Variants in MYT1 observed in about 807,000 individuals in gnomAD.
MYT1 encodes myelin transcription factor 1, also known as myelin transcription factor I.
MYT1 carries 23 observed loss-of-function variants against 123.0 expected under a neutral mutation model. The ratio of observed to expected loss-of-function variants is 0.19; its 90% CI spans 0.13 to 0.26. The LOEUF is 0.26. MYT1 is among the 10% of genes least tolerant of loss of function. The pLI is 1.00. For synonymous variants in MYT1, 518 were observed against 575.3 expected, an observed-to-expected ratio of 0.90 and a Z score of 1.43; for missense variants, 1,125 against 1,472.5, an observed-to-expected ratio of 0.76 and a Z score of 3.86.
intron 1 of MYT1, among the ~76,000 whole-genome samples, chr20:64,187,496 C>T (rs915296318): frequency 2.6e-5 from 4 of 152,202 alleles, no homozygotes; most frequent in Non-Finnish European, 5.9e-5. Context: ...GTGGCCCCGG[C>T]ATCCACGTTT....
In MYT1 at chr20:64,213,071, G is replaced by T. The variant is rs1212940732; in HGVS notation, c.1518-463G>T. On this transcript the variant is annotated intron_variant, in intron 9 of 22. Coordinates refer to ENST00000328439, the MANE Select transcript of MYT1 (RefSeq NM_004535.3). This position sits in a 1 kb window ranked among gnomAD's most constrained non-coding sequence, Gnocchi z 5.6. Reference sequence around the variant, plus strand: ...CTTTCCTGGGCCTGTGTCATCCAGGGTCAGTGCCCAGGCTGTGGTCCAAGT... The same window carrying T: ...CTTTCCTGGGCCTGTGTCATCCAGGTTCAGTGCCCAGGCTGTGGTCCAAGT... Among the ~76,000 whole-genome samples, 1 of 152,084 alleles carries T rather than the reference G, an allele frequency of 6.6e-6. No homozygotes were observed. The highest frequency in any genetic ancestry group is 2.4e-5 in the African/African-American group (1 of 41,404).
At chr20:64,228,778 T>C (rs977136342) in intron 18 of MYT1, among the ~76,000 whole-genome samples, 3 of 152,198 alleles carry the variant, frequency 2.0e-5, no homozygotes, top group African/African-American at 4.8e-5. Context: ...CCGAGGTACT[T>C]TCAGAGCTGA....
chr20:64,209,515 G>A (rs889751739), intron 7 of MYT1, among the ~76,000 whole-genome samples: 2 of 152,204 alleles, frequency 1.3e-5, no homozygotes, highest in African/African-American at 2.4e-5. Flanking sequence ...CCAGGTGGAC[G>A]GGGGCAGTGG....
In MYT1 at chr20:64,230,284, G is replaced by A. The variant is rs546070432; in HGVS notation, c.2676-1880G>A. On this transcript the variant is annotated intron_variant, in intron 18 of 22. Coordinates refer to ENST00000328439, the MANE Select transcript of MYT1 (RefSeq NM_004535.3). ...TCCCAGCACTTTAGGAGGCTGAGGC[G>A]GGTGGATCACCTGAGGTCAGGAGTT... Among the ~76,000 whole-genome samples, 460 of 152,158 alleles carry A rather than the reference G, an allele frequency of 3.0e-3. 3 individuals carry two copies. The highest frequency in any genetic ancestry group is 7.1e-3 in the South Asian group (34 of 4,810).
intron 16 of MYT1, among the ~76,000 whole-genome samples, chr20:64,223,681 C>T (rs1453570162): frequency 6.6e-6 from 1 of 152,196 alleles, no homozygotes; most frequent in East Asian, 1.9e-4. Context: ...GCTGTCTGGG[C>T]CTGCTTTCTT....
Position 64,217,179 on chromosome 20 carries a change from A to G in MYT1, c.1744A>G (p.Lys582Glu), listed in dbSNP as rs771589850. Residue 582 changes from lysine to glutamate, a missense_variant, in exon 11 of 23, where the codon AAG (lysine) becomes GAG (glutamate). Physicochemically the swap from Lys to Glu is moderately conservative, Grantham distance 56. Coordinates refer to ENST00000328439, the MANE Select transcript of MYT1 (RefSeq NM_004535.3). Reference sequence around the variant, plus strand: ...GGCCAAGGAGCTGGAGAAGTTCTCCAAGGTCACCTTTGACTACGCAAGTTT... The same window carrying G: ...GGCCAAGGAGCTGGAGAAGTTCTCCGAGGTCACCTTTGACTACGCAAGTTT... ...NLAKELEKFSKVTFDYASFDA... is the reference protein window; with the variant it reads ...NLAKELEKFSEVTFDYASFDA... The G allele has an allele frequency of 1.2e-6, 2 of 1,614,272 alleles. No individual in the cohort carries two copies. The highest frequency in any genetic ancestry group is 1.1e-5 in the South Asian group (1 of 91,088).
Position 64,205,662 on chromosome 20 carries a change from T to C in MYT1, c.259T>C (p.Tyr87His). The C allele has an allele frequency of 6.2e-7, 1 of 1,614,138 alleles. No individual in the cohort carries two copies. Among genetic ancestry groups the C allele is most frequent in the Non-Finnish European group, 8.5e-7 (1 of 1,180,014 alleles). Residue 87 changes from tyrosine (Y) to histidine (H), a missense_variant, in exon 6 of 23, where the codon TAT becomes CAT. Transcript: ENST00000328439. ...HPLKLALDEG[Y>H]GVDSDGSEDT... is the part of the protein sequence containing the mutation. ...CCTGAAGCTGGCTCTGGACGAGGGCTATGGTGTGGACAGCGACGGCAGTGA... is the reference window on the plus strand; with the variant it reads ...CCTGAAGCTGGCTCTGGACGAGGGCCATGGTGTGGACAGCGACGGCAGTGA...
chr20:64,190,713 A>C lies in MYT1; in HGVS notation c.-1+553A>C, dbSNP rs2145703337. On this transcript the variant is annotated intron_variant, in intron 2 of 22. Transcript: ENST00000328439. This position sits in a 1 kb window ranked among gnomAD's most constrained non-coding sequence, Gnocchi z 4.1. ...ACTAGGAATGGTGGCTTTTATCTCT[A>C]ATCCCAGCACTTTGGGAGGCTGAGG... 6.9e-6 allele frequency among the ~76,000 whole-genome samples: 1 copy of C among 145,590 alleles called. No homozygotes were observed. Among genetic ancestry groups the C allele is most frequent in the African/African-American group, 2.6e-5 (1 of 38,568 alleles).
intron 21 of MYT1, 84 bp downstream of exon 21, chr20:64,237,474 C>A: frequency 2.8e-6 from 3 of 1,085,696 alleles, no homozygotes; most frequent in South Asian, 2.8e-5. Flanking sequence ...CATCCGTCGG[C>A]ACTCATCAAG....
At chr20:64,204,780 G>A (rs956981896) in intron 4 of MYT1, among the ~76,000 whole-genome samples, 5 of 152,334 alleles carry the variant, frequency 3.3e-5, no homozygotes, top group Non-Finnish European at 7.3e-5. Context: ...CCTGCCGTGG[G>A]GAGCGGTCTG....
In MYT1 at chr20:64,207,612, C is replaced by T. The variant is rs1983521156; in HGVS notation, c.416C>T (p.Ser139Phe). The T allele has an allele frequency of 2.5e-6, 4 of 1,613,330 alleles. No homozygotes were observed. The highest frequency in any genetic ancestry group is 3.4e-6 in the Non-Finnish European group (4 of 1,179,764). The change falls in exon 7 of 23, where the codon TCC (serine) becomes TTC (phenylalanine). Residue 139 changes from serine (S) to phenylalanine (F), a missense_variant. Ser to Phe is a radical substitution (Grantham distance 155). Transcript: ENST00000328439. Reference protein sequence around the residue: ...ETAEGRSPVKSHFGSNPIGSA... With the variant: ...ETAEGRSPVKFHFGSNPIGSA... ...TGTGCAGGAAGGAGCCCCGTCAAGT[C>T]CCATTTTGGATCCAACCCCATCGGC...
rs1982900304 is a variant in MYT1 at position 64,189,292 on chromosome 20, G to C, written c.-98-771G>C. ...TTACTTAATGACCTTCCTTTGAAAT[G>C]CTGCAGTTATGTAGAAAGCAGGTTG... On this transcript the variant is annotated intron_variant, in intron 1 of 22. Transcript: ENST00000328439. The surrounding 1 kb of genome is among the most constrained non-coding windows in gnomAD (Gnocchi z 5.5). Among the ~76,000 whole-genome samples, 1 of 152,254 alleles carries C rather than the reference G, an allele frequency of 6.6e-6. No individual in the cohort carries two copies. Among genetic ancestry groups the C allele is most frequent in the African/African-American group, 2.4e-5 (1 of 41,472 alleles).
chr20:64,180,087 T>C (rs1443818297), intron 1 of MYT1, among the ~76,000 whole-genome samples: 3 of 149,754 alleles, frequency 2.0e-5, no homozygotes, highest in East Asian at 4.0e-4. Context: ...ACACACATGC[T>C]ACACACAGGT....
rs1005017267 is a variant in MYT1, at chr20:64,193,853, A to G, written c.-1+3693A>G. Among the ~76,000 whole-genome samples the G allele has an allele frequency of 6.6e-6, 1 of 152,138 alleles. No individual in the cohort carries two copies. Among genetic ancestry groups the G allele is most frequent in the African/African-American group, 2.4e-5 (1 of 41,414 alleles). On this transcript the variant is annotated intron_variant, in intron 2 of 22. Transcript: ENST00000328439. The surrounding 1 kb of genome is among the most constrained non-coding windows in gnomAD (Gnocchi z 4.0). ...ATTTTTAAAGAATAGTTGTAAGTCC[A>G]TTCTAATTCTCCAGATTTGCTGGCT...
intron 19 of MYT1, among the ~76,000 whole-genome samples, chr20:64,235,689 G>T (rs868805488): frequency 1.1e-5 from 1 of 88,900 alleles, no homozygotes; most frequent in Non-Finnish European, 2.2e-5. Context: ...CTGGGCTGGT[G>T]GTGGTGGGTG....
rs1018198441 is a variant in MYT1 at position 64,212,801 on chromosome 20, G to A, written c.1517+663G>A. Among the ~76,000 whole-genome samples, 7 of 152,002 alleles carry A rather than the reference G, an allele frequency of 4.6e-5. No individual in the cohort carries two copies. Among genetic ancestry groups the A allele is most frequent in the African/African-American group, 1.7e-4 (7 of 41,364 alleles). On this transcript the variant is annotated intron_variant, in intron 9 of 22. Coordinates refer to ENST00000328439, the MANE Select transcript of MYT1 (RefSeq NM_004535.3). This position sits in a 1 kb window ranked among gnomAD's most constrained non-coding sequence, Gnocchi z 6.8. ...TTGACTGGTCTTCTATGGTGAGGGG[G>A]GACTACTCCTCCAGCCTTACCCTAA... is the stretch of plus-strand genomic sequence containing the variant.
At chr20:64,238,039 G>A (rs1568723858) in intron 21 of MYT1, among the ~76,000 whole-genome samples, 1 of 151,968 alleles carries the variant, frequency 6.6e-6, no homozygotes, top group Non-Finnish European at 1.5e-5. Context: ...GTTGCTGAGG[G>A]TTAGGATTAC....
chr20:64,198,610 C>A (rs113813438), intron 2 of MYT1, among the ~76,000 whole-genome samples: 2 of 152,210 alleles, frequency 1.3e-5, no homozygotes, highest in Non-Finnish European at 2.9e-5. Context: ...CTGTACCCTC[C>A]TTGCCAAGGC....
intron 7 of MYT1, among the ~76,000 whole-genome samples, chr20:64,210,451 C>T (rs2145718576): frequency 6.6e-6 from 1 of 152,350 alleles, no homozygotes; most frequent in Non-Finnish European, 1.5e-5. Flanking sequence ...TCAGGACACC[C>T]CTGCCTGTCC....
Sources: allele counts gnomAD v4.1 joint callset (sites outside exome capture counted in the v4.1 genomes callset), GRCh38; gene constraint gnomAD v4.1.1; non-coding constraint Gnocchi (gnomAD v3.1); transcripts MANE v1.5; gene names NCBI Gene and HGNC (gene_info 2026-07-23, HGNC 2026-07-21).